HFM1: variants seen among roughly 807,000 people sequenced by gnomAD.
HFM1 encodes the protein probable ATP-dependent DNA helicase HFM1.
HFM1 carries 169 observed loss-of-function variants against 192.1 expected under a neutral mutation model. The observed-to-expected ratio is 0.88, with a 90% CI of 0.78 to 1.00. The LOEUF (loss-of-function observed/expected upper bound fraction) is 1.00. Among genes scored for constraint, HFM1 ranks in the 50% least tolerant of loss-of-function variants. The pLI is 0.00. For synonymous variants in HFM1, 525 were observed against 537.8 expected (o/e 0.98, Z 0.33); for missense variants, 1,661 against 1,668.0 (o/e 1.00, Z 0.07).
intron 13 of HFM1, among the ~76,000 whole-genome samples, chr1:91,360,514 C>G (rs1011084185): frequency 1.3e-5 from 2 of 152,170 alleles, no homozygotes; most frequent in Non-Finnish European, 2.9e-5. Flanking sequence ...AATATATATG[C>G]ACCCAATACA....
intron 25 of HFM1, among the ~76,000 whole-genome samples, chr1:91,317,471 C>T (rs1651434833): frequency 6.6e-6 from 1 of 152,092 alleles, no homozygotes; most frequent in Non-Finnish European, 1.5e-5. Flanking sequence ...TTGGATCTTT[C>T]CTATTTCCTT....
At chr1:91,342,911 A>G (rs1462369169) in intron 20 of HFM1, among the ~76,000 whole-genome samples, 1 of 152,214 alleles carries the variant, frequency 6.6e-6, no homozygotes, top group East Asian at 1.9e-4. Context: ...GCCAAAAGTC[A>G]CCAGAATCAG....
At chr1:91,385,900 A>C (rs1306135514) in intron 4 of HFM1, 66 bp from the exon 5 acceptor site, 2 of 1,390,884 alleles carry the variant, frequency 1.4e-6, no homozygotes, top group East Asian at 4.6e-5. Context: ...ATGAAAAACT[A>C]GCATAAAATT....
intron 34 of HFM1, among the ~76,000 whole-genome samples, chr1:91,270,902 T>C (rs914061394): frequency 5.9e-5 from 9 of 152,244 alleles, no homozygotes; most frequent in African/African-American, 2.2e-4. Context: ...TGAGTGTCAA[T>C]TGCTCTTTCA....
intron 30 of HFM1, among the ~76,000 whole-genome samples, chr1:91,302,565 C>G (rs375986684): frequency 1.3e-5 from 2 of 151,968 alleles, no homozygotes; most frequent in Non-Finnish European, 2.9e-5. Context: ...TGGATTAAGA[C>G]AATGTGGCAC....
intron 30 of HFM1, among the ~76,000 whole-genome samples, chr1:91,295,701 T>C (rs929490206): frequency 6.6e-6 from 1 of 152,190 alleles, no homozygotes; most frequent in African/African-American, 2.4e-5. Context: ...CTCTTAATGG[T>C]ATCTTTTTGA....
intron 30 of HFM1, among the ~76,000 whole-genome samples, chr1:91,289,385 G>A (rs987829583): frequency 6.6e-6 from 1 of 151,870 alleles, no homozygotes; most frequent in Non-Finnish European, 1.5e-5. Flanking sequence ...AGACTGGGCG[G>A]CCGGGCAGAA....
At chr1:91,279,122 C>T (rs889898909) in intron 30 of HFM1, among the ~76,000 whole-genome samples, 11 of 151,970 alleles carry the variant, frequency 7.2e-5, no homozygotes, top group African/African-American at 2.4e-4. Flanking sequence ...CCAGCACAAG[C>T]TGAAATCCTA....
At chr1:91,352,419 C>T (rs906579805) in intron 16 of HFM1, 87 bp downstream of exon 16, 3 of 990,742 alleles carry the variant, frequency 3.0e-6, no homozygotes, top group African/African-American at 3.3e-5. Flanking sequence ...AAGCCTGATA[C>T]AATTATGACA....
chr1:91,394,534 A>T, intron 3 of HFM1, 132 bp from the exon 4 acceptor site: 1 of 602,154 alleles, frequency 1.7e-6, no homozygotes, highest in Admixed American at 3.1e-5. Context: ...TAATAAGCTC[A>T]TCTGTAATAC....
rs556829152 is a variant in HFM1, at chr1:91,282,822, T to C, written c.3392-5760A>G. Among the ~76,000 whole-genome samples the C allele has an allele frequency of 3.3e-5, 5 of 152,212 alleles. No individual in the cohort carries two copies. In the South Asian group the frequency reaches 8.3e-4, roughly 25 times the overall value. ...CTGTTTTAAAATGAAGAATAAAGAG[T>C]TGCCTTTGGGTCTTAAATACTAAAG... On this transcript the variant is annotated intron_variant, in intron 30 of 38. Transcript: ENST00000370425.
chr1:91,346,299 CTT>C (rs1022762925), intron 19 of HFM1, among the ~76,000 whole-genome samples: 5 of 152,070 alleles, frequency 3.3e-5, no homozygotes, highest in South Asian at 2.1e-4. Flanking sequence ...CAATATATCT[CTT>C]TGTCTAATTT....
chr1:91,325,681 G>A (rs891877803), intron 20 of HFM1, among the ~76,000 whole-genome samples: 6 of 152,058 alleles, frequency 3.9e-5, no homozygotes, highest in African/African-American at 1.4e-4. Context: ...GTGAAGACTA[G>A]AATAAATACC....
chr1:91,375,300 G>T, intron 13 of HFM1, 58 bp downstream of exon 13: 1 of 1,216,124 alleles, frequency 8.2e-7, no homozygotes, highest in Non-Finnish European at 1.2e-6. Context: ...ATTTTCTCAT[G>T]TCATCTAGAT....
At chr1:91,309,104 C>T (rs1650059877) in intron 30 of HFM1, among the ~76,000 whole-genome samples, 1 of 152,212 alleles carries the variant, frequency 6.6e-6, no homozygotes, top group Non-Finnish European at 1.5e-5. Context: ...CATGAGCTCA[C>T]AGAATAGTTC....
chr1:91,313,708 AC>A (rs1650804789), intron 29 of HFM1, among the ~76,000 whole-genome samples: 3 of 151,946 alleles, frequency 2.0e-5, no homozygotes, highest in South Asian at 2.1e-4. Flanking sequence ...AATAACTGCA[AC>A]TTAACTATCT....
intron 13 of HFM1, among the ~76,000 whole-genome samples, chr1:91,373,638 G>C (rs1282750118): frequency 6.6e-6 from 1 of 151,608 alleles, no homozygotes; most frequent in Non-Finnish European, 1.5e-5. Context: ...TTGCTTAAAA[G>C]TGTATGGTAC....
intron 16 of HFM1, 124 bp from the exon 17 acceptor site, chr1:91,351,767 G>T: frequency 2.3e-6 from 1 of 438,592 alleles, no homozygotes; most frequent in Middle Eastern, 3.2e-4. Flanking sequence ...ACTTCAAAAA[G>T]GCCTTAAAAA....
In HFM1 at chr1:91,324,818, G is replaced by A. The variant is rs1652646883; in HGVS notation, c.2336-52C>T. 4 of 924,394 alleles carry A rather than the reference G, an allele frequency of 4.3e-6. No individual in the cohort carries two copies. The Admixed American group carries it at 7.5e-5, about 17-fold the overall frequency. 57.3% of individuals were successfully genotyped at this position (924,394 alleles called of 1,614,324 possible). A position where few individuals can be genotyped will look rare whatever the true frequency, so the allele number is the denominator to read the frequency against. ...GGTCCCCTCATCAGCTGAACCAACT[G>A]TTTTTTTATGTTTAACAAACATTTC... is the stretch of plus-strand genomic sequence containing the variant. On this transcript the variant is annotated intron_variant, in intron 20 of 38. Coordinates refer to ENST00000370425, the MANE Select transcript of HFM1 (RefSeq NM_001017975.6).
Sources: allele counts gnomAD v4.1 joint callset (sites outside exome capture counted in the v4.1 genomes callset), GRCh38; gene constraint gnomAD v4.1.1; transcripts MANE v1.5; gene names NCBI Gene and HGNC (gene_info 2026-07-23, HGNC 2026-07-21).